The following SLC24A2 variants were observed in gnomAD, a reference collection of about 807,000 sequenced individuals.
SLC24A2 encodes the protein solute carrier family 24 member 2, also known as sodium/potassium/calcium exchanger 2.
SLC24A2 carries 36 observed loss-of-function variants against 62.0 expected under a neutral mutation model. The observed-to-expected ratio is 0.58, with a 90% CI of 0.44 to 0.77. The LOEUF is 0.77. Among genes scored for constraint, SLC24A2 ranks in the 30% least tolerant of loss-of-function variants. SLC24A2 has a pLI of 0.00. For synonymous variants in SLC24A2, 358 were observed against 294.0 expected, an observed-to-expected ratio of 1.22 and a Z score of -2.23; for missense variants, 846 against 817.9, an observed-to-expected ratio of 1.03 and a Z score of -0.42.
At chr9:20,020,894 A>G in the SLC24A2 span, among the ~76,000 whole-genome samples, 1 of 152,178 alleles carries the variant, frequency 6.6e-6, no homozygotes, top group African/African-American at 2.4e-5. Context: ...ATTCAACATC[A>G]TTTAAATAAG....
At chr9:20,234,995 A>G in the SLC24A2 span, among the ~76,000 whole-genome samples, 1 of 152,268 alleles carries the variant, frequency 6.6e-6, no homozygotes, top group Non-Finnish European at 1.5e-5. Context: ...GATCCACTCC[A>G]GACCCTGTTC....
intron 5 of SLC24A2, among the ~76,000 whole-genome samples, chr9:19,586,987 C>G (rs1396259906): frequency 6.6e-6 from 1 of 152,158 alleles, no homozygotes; most frequent in Non-Finnish European, 1.5e-5. Flanking sequence ...TGAAGAATCA[C>G]TTTACTAAAA....
chr9:20,303,518 A>G, the SLC24A2 span, among the ~76,000 whole-genome samples: 7 of 152,196 alleles, frequency 4.6e-5, no homozygotes, highest in African/African-American at 1.4e-4. Context: ...ACGTTCTGAC[A>G]GCATAGTTTA....
intron 2 of SLC24A2, among the ~76,000 whole-genome samples, chr9:19,763,717 C>G (rs1822419493): frequency 6.6e-6 from 1 of 152,072 alleles, no homozygotes; most frequent in Admixed American, 6.6e-5. Context: ...GGTTTGCCAG[C>G]ATTTTATTGA....
the SLC24A2 span, among the ~76,000 whole-genome samples, chr9:20,231,344 T>C: frequency 6.6e-6 from 1 of 152,258 alleles, no homozygotes; most frequent in Non-Finnish European, 1.5e-5. Context: ...ATTTTCATGA[T>C]ATTGATTCTT....
At chr9:19,914,699 T>G in the SLC24A2 span, among the ~76,000 whole-genome samples, 2 of 152,022 alleles carry the variant, frequency 1.3e-5, no homozygotes, top group Non-Finnish European at 2.9e-5. Context: ...GACCTTGCCT[T>G]GTTGTTAACA....
the SLC24A2 span, among the ~76,000 whole-genome samples, chr9:20,240,063 T>C: frequency 6.6e-6 from 1 of 152,096 alleles, no homozygotes; most frequent in African/African-American, 2.4e-5. Context: ...ACTTGATCCC[T>C]TCTGGCCCAT....
At chr9:20,301,934 T>C in the SLC24A2 span, among the ~76,000 whole-genome samples, 19 of 152,272 alleles carry the variant, frequency 1.2e-4, no homozygotes, top group Middle Eastern at 3.4e-3. Context: ...CTGGCAACCA[T>C]TGGTCTTTTT....
the SLC24A2 span, among the ~76,000 whole-genome samples, chr9:20,148,127 A>G: frequency 6.6e-6 from 1 of 152,124 alleles, no homozygotes; most frequent in South Asian, 2.1e-4. Flanking sequence ...GACTGTCCGG[A>G]TAAGTATACT....
the SLC24A2 span, among the ~76,000 whole-genome samples, chr9:19,991,241 A>C: frequency 1.3e-5 from 2 of 152,074 alleles, no homozygotes; most frequent in African/African-American, 4.8e-5. Flanking sequence ...AAGAGCCCCT[A>C]GCAAGCCACT....
At chr9:19,843,988 G>A in the SLC24A2 span, among the ~76,000 whole-genome samples, 183 of 152,292 alleles carry the variant, frequency 1.2e-3, 2 homozygotes, top group East Asian at 0.011. Flanking sequence ...GTGAACGTAC[G>A]AGTGCATGTG....
the SLC24A2 span, among the ~76,000 whole-genome samples, chr9:19,959,499 T>C: frequency 6.6e-6 from 1 of 152,238 alleles, no homozygotes; most frequent in African/African-American, 2.4e-5. Context: ...TAGCAGTGTC[T>C]ATAAATTTGG....
the SLC24A2 span, among the ~76,000 whole-genome samples, chr9:20,221,155 T>C: frequency 1.3e-5 from 2 of 152,094 alleles, no homozygotes; most frequent in African/African-American, 2.4e-5. Flanking sequence ...AAAGATATCA[T>C]GCTAATTGCG....
intron 8 of SLC24A2, among the ~76,000 whole-genome samples, chr9:19,542,510 C>A (rs1586923915): frequency 6.6e-6 from 1 of 152,144 alleles, no homozygotes; most frequent in South Asian, 2.1e-4. Context: ...GCATCCTTGT[C>A]TTGTGCCAGT....
chr9:19,659,023 C>T (rs972103555), intron 2 of SLC24A2, among the ~76,000 whole-genome samples: 11 of 152,160 alleles, frequency 7.2e-5, no homozygotes, highest in South Asian at 2.1e-4. Context: ...ATGCTGAAAT[C>T]CTAACCCCCA....
At chr9:19,657,453 C>T (rs1039743339) in intron 2 of SLC24A2, among the ~76,000 whole-genome samples, 5 of 152,018 alleles carry the variant, frequency 3.3e-5, no homozygotes, top group African/African-American at 9.7e-5. Context: ...TAGACATGTA[C>T]CATGGTGGTT....
the SLC24A2 span, among the ~76,000 whole-genome samples, chr9:20,157,838 A>C: frequency 6.6e-6 from 1 of 151,652 alleles, no homozygotes; most frequent in Admixed American, 6.6e-5. Flanking sequence ...CTATTAGAGA[A>C]ACTGTGCTTC....
At chr9:20,007,411 G>A in the SLC24A2 span, among the ~76,000 whole-genome samples, 1 of 152,186 alleles carries the variant, frequency 6.6e-6, no homozygotes, top group South Asian at 2.1e-4. Flanking sequence ...AGGGGGTGGG[G>A]TAATTTGTGT....
chr9:20,304,700 C>T, the SLC24A2 span, among the ~76,000 whole-genome samples: 8 of 152,258 alleles, frequency 5.3e-5, no homozygotes, highest in East Asian at 1.9e-4. Context: ...GCTGGGTCTC[C>T]AGGAACACAA....
Sources: gnomAD v4.1 joint callset for allele counts (sites outside exome capture counted in the v4.1 genomes callset) on GRCh38, gnomAD v4.1.1 for gene constraint, MANE v1.5 for transcripts, NCBI Gene and HGNC (gene_info 2026-07-23, HGNC 2026-07-21) for gene names.